GPC3: variants seen among roughly 807,000 people sequenced by gnomAD.
GPC3 encodes the protein glypican 3.
In GPC3, 3 loss-of-function variants were observed where a neutral mutation model predicts 34.4. The ratio of observed to expected loss-of-function variants is 0.09; its 90% confidence interval spans 0.04 to 0.23. The LOEUF is 0.23. GPC3 is among the 10% of genes least tolerant of loss of function. The probability of loss-of-function intolerance (pLI) is 1.00; values close to 1 mark genes in which losing one functional copy is unlikely to be tolerated. For synonymous variants in GPC3, 177 were observed against 174.0 expected (o/e 1.02, Z -0.13); for missense variants, 351 against 445.6 (o/e 0.79, Z 1.91).
chrX:133,682,372 C>G (rs115166931), intron 5 of GPC3, among the ~76,000 whole-genome samples: 6,678 of 111,605 alleles, frequency 0.06, 529 homozygotes, highest in African/African-American at 0.21. Flanking sequence ...TTAGCAGTTT[C>G]GTTCCCAAAG....
chrX:133,552,165 G>A (rs775599416), intron 7 of GPC3, among the ~76,000 whole-genome samples: 2 of 112,217 alleles, frequency 1.8e-5, no homozygotes, highest in Non-Finnish European at 3.8e-5. Context: ...TAGAGATGTC[G>A]GTGAAGGGAT....
At chrX:133,613,894 T>C (rs1424581452) in intron 6 of GPC3, among the ~76,000 whole-genome samples, 1 of 112,309 alleles carries the variant, frequency 8.9e-6, no homozygotes, top group African/African-American at 3.2e-5. Context: ...TCCCATGACA[T>C]ACACAATACT....
chrX:133,917,523 A>G (rs750280999), intron 2 of GPC3, among the ~76,000 whole-genome samples: 1 of 112,033 alleles, frequency 8.9e-6, no homozygotes, highest in African/African-American at 3.2e-5. Context: ...TCATAGCAGA[A>G]GTAAAGGGCT....
intron 2 of GPC3, among the ~76,000 whole-genome samples, chrX:133,821,490 C>A (rs2124535601): frequency 9.0e-6 from 1 of 111,616 alleles, no homozygotes; most frequent in Non-Finnish European, 1.9e-5. Context: ...TATTTATTTC[C>A]TTTTGTCTCA....
chrX:133,978,939 A>G (rs1039970561), intron 1 of GPC3, among the ~76,000 whole-genome samples: 4 of 112,462 alleles, frequency 3.6e-5, no homozygotes, highest in Non-Finnish European at 7.5e-5. Context: ...CAAAAAGGCC[A>G]TGTAAAATTT....
chrX:133,957,849 T>A (rs1382963250), intron 1 of GPC3, among the ~76,000 whole-genome samples: 4 of 111,236 alleles, frequency 3.6e-5, no homozygotes, highest in South Asian at 3.8e-4. Flanking sequence ...TATTATTATT[T>A]TTTTTTTGTA....
chrX:133,964,109 C>A (rs938850859), intron 1 of GPC3, among the ~76,000 whole-genome samples: 4 of 111,828 alleles, frequency 3.6e-5, no homozygotes, highest in African/African-American at 1.3e-4. Flanking sequence ...AGGAGAGATG[C>A]CCCACAGCCA....
At chrX:133,786,237 C>T (rs543937494) in intron 2 of GPC3, among the ~76,000 whole-genome samples, 1 of 110,937 alleles carries the variant, frequency 9.0e-6, no homozygotes, top group African/African-American at 3.3e-5. Context: ...ACTAAAAATA[C>T]GAAAAAAATT....
intron 1 of GPC3, among the ~76,000 whole-genome samples, 181 bp downstream of exon 1, chrX:133,985,094 C>T (rs1052656702): frequency 1.8e-5 from 2 of 112,174 alleles, no homozygotes; most frequent in Non-Finnish European, 3.8e-5. Flanking sequence ...TCCGTCCACA[C>T]ACACCCTCTC....
At chrX:133,731,903 T>C (rs2071465326) in intron 3 of GPC3, among the ~76,000 whole-genome samples, 1 of 112,477 alleles carries the variant, frequency 8.9e-6, no homozygotes, top group African/African-American at 3.2e-5. Context: ...ATGTCTTCAC[T>C]TGCTGCTTCT....
Position 133,697,566 on chromosome X carries a change from C to T in GPC3, c.1166+2329G>A, listed in dbSNP as rs368271826. On this transcript the variant is annotated intron_variant, in intron 4 of 7. Coordinates refer to ENST00000370818, the MANE Select transcript of GPC3 (RefSeq NM_004484.4). ...CATCTGTGACACTGCCACTCTTTTG[C>T]ACCTAGCTCTGATTTGGCACTCACC... is the stretch of plus-strand genomic sequence containing the variant. 9.9e-4 allele frequency among the ~76,000 whole-genome samples: 111 copies of T among 111,766 alleles called. 3 individuals carry two copies. The South Asian group carries it at 0.041, about 41-fold the overall frequency.
intron 2 of GPC3, among the ~76,000 whole-genome samples, chrX:133,801,086 C>G (rs1395608064): frequency 8.9e-6 from 1 of 111,818 alleles, no homozygotes; most frequent in East Asian, 2.8e-4. Flanking sequence ...TATCCAAGCA[C>G]TAGTAATCAA....
chrX:133,633,705 T>C (rs910828490), intron 6 of GPC3, among the ~76,000 whole-genome samples: 1 of 112,110 alleles, frequency 8.9e-6, no homozygotes, highest in African/African-American at 3.2e-5. Context: ...AGAGAGTCAA[T>C]GAGATAATAC....
chrX:133,715,973 A>C (rs1227994896), intron 3 of GPC3, among the ~76,000 whole-genome samples: 1 of 111,868 alleles, frequency 8.9e-6, no homozygotes, highest in Admixed American at 9.6e-5. Flanking sequence ...ATACACAAAG[A>C]GCACTTCAGC....
At chrX:133,563,951 G>A (rs1262631936) in intron 7 of GPC3, among the ~76,000 whole-genome samples, 1 of 110,535 alleles carries the variant, frequency 9.0e-6, no homozygotes, top group African/African-American at 3.3e-5. Flanking sequence ...GGAGAGCTTA[G>A]GCCAACTCCA....
chrX:133,722,219 C>T (rs1290004538), intron 3 of GPC3, among the ~76,000 whole-genome samples: 1 of 111,334 alleles, frequency 9.0e-6, no homozygotes, highest in Non-Finnish European at 1.9e-5. Flanking sequence ...CCTGTCTGTT[C>T]CTATTTATCA....
intron 3 of GPC3, among the ~76,000 whole-genome samples, chrX:133,751,267 C>T (rs1191413639): frequency 3.6e-5 from 4 of 110,677 alleles, no homozygotes; most frequent in Non-Finnish European, 7.6e-5. Context: ...ATTTCCAAGC[C>T]CCTGGCATGC....
chrX:133,590,481 T>C (rs1409916665), intron 7 of GPC3, among the ~76,000 whole-genome samples: 2 of 111,484 alleles, frequency 1.8e-5, no homozygotes, highest in African/African-American at 6.5e-5. Flanking sequence ...CTAAGGATTC[T>C]ATGTAAAATT....
At chrX:133,672,796 G>A (rs1465100735) in intron 5 of GPC3, among the ~76,000 whole-genome samples, 4 of 109,171 alleles carry the variant, frequency 3.7e-5, no homozygotes, top group African/African-American at 1.3e-4. Context: ...GACTACAGGC[G>A]CCCGCCACCA....
Sources: allele counts gnomAD v4.1 joint callset (sites outside exome capture counted in the v4.1 genomes callset), GRCh38; gene constraint gnomAD v4.1.1; transcripts MANE v1.5; gene names NCBI Gene and HGNC (gene_info 2026-07-23, HGNC 2026-07-21).